Variants in CAMTA1 observed in about 807,000 individuals in gnomAD.
CAMTA1 encodes the protein calmodulin binding transcription activator 1, also known as calmodulin-binding transcription activator 1.
A neutral mutation model predicts 170.9 loss-of-function variants in CAMTA1; 27 were observed. The ratio of observed to expected loss-of-function variants is 0.16; its 90% CI spans 0.12 to 0.22. The LOEUF (loss-of-function observed/expected upper bound fraction) is 0.22, where lower values mean the gene tolerates loss of function less well. Among genes scored for constraint, CAMTA1 ranks in the 10% least tolerant of loss-of-function variants. The pLI is 1.00. For synonymous variants in CAMTA1, 833 were observed against 891.5 expected (o/e 0.93, Z 1.17); for missense variants, 1,619 against 2,217.2 (o/e 0.73, Z 5.42).
At chr1:7,679,333 C>T (rs2096160005) in intron 11 of CAMTA1, among the ~76,000 whole-genome samples, 1 of 152,182 alleles carries the variant, frequency 6.6e-6, no homozygotes, top group Admixed American at 6.5e-5. Context: ...CAGATGGAGC[C>T]TTTTCAGAGA....
chr1:7,393,365 A>G (rs2088940483), intron 5 of CAMTA1, among the ~76,000 whole-genome samples: 1 of 152,174 alleles, frequency 6.6e-6, no homozygotes, highest in Admixed American at 6.5e-5. Flanking sequence ...TCCTGGGCTC[A>G]AGCAATCCTC....
intron 5 of CAMTA1, among the ~76,000 whole-genome samples, chr1:7,303,746 G>T (rs1445400839): frequency 6.6e-6 from 1 of 152,204 alleles, no homozygotes; most frequent in African/African-American, 2.4e-5. Context: ...ACAAAGCAGA[G>T]AAAAGGCATG....
At chr1:7,292,189 C>G (rs968411118) in intron 5 of CAMTA1, among the ~76,000 whole-genome samples, 2 of 152,042 alleles carry the variant, frequency 1.3e-5, no homozygotes, top group African/African-American at 4.8e-5. Flanking sequence ...ATTGCTGAAG[C>G]GCTGGCTTGT....
chr1:7,016,840 AG>A (rs200737145), intron 3 of CAMTA1, among the ~76,000 whole-genome samples: 47 of 151,394 alleles, frequency 3.1e-4, no homozygotes, highest in African/African-American at 6.1e-4. Flanking sequence ...TCTCAAAAGA[AG>A]AAAAAAAAAA....
At chr1:7,241,978 T>G (rs1664938080) in intron 4 of CAMTA1, among the ~76,000 whole-genome samples, 1 of 145,724 alleles carries the variant, frequency 6.9e-6, no homozygotes. Context: ...TTTTACTCTT[T>G]TAAAGAAACC....
chr1:7,063,422 G>A lies in CAMTA1; in HGVS notation c.235-27882G>A, dbSNP rs778909636. On this transcript the variant is annotated intron_variant, in intron 3 of 22. Coordinates refer to ENST00000303635, the MANE Select transcript of CAMTA1 (RefSeq NM_015215.4). This position sits in a 1 kb window ranked among gnomAD's most constrained non-coding sequence, Gnocchi z 4.3. The stretch of plus-strand genomic sequence containing the variant: ...CCTCCCTGCCCTTTATCTTAGCAGG[G>A]CATCTCTGGAGAGAATGTTCCACGG... Among the ~76,000 whole-genome samples the A allele has an allele frequency of 9.9e-5, 15 of 152,200 alleles. No homozygotes were observed. Among genetic ancestry groups the A allele is most frequent in the Non-Finnish European group, 1.5e-4 (10 of 68,040 alleles).
At chr1:6,972,522 C>T (rs1692727919) in intron 3 of CAMTA1, among the ~76,000 whole-genome samples, 1 of 152,208 alleles carries the variant, frequency 6.6e-6, no homozygotes, top group South Asian at 2.1e-4. Context: ...CCAGGCTGCT[C>T]TTTCCCAGCA....
chr1:7,502,651 C>T (rs896523174), intron 6 of CAMTA1, among the ~76,000 whole-genome samples: 2 of 152,116 alleles, frequency 1.3e-5, no homozygotes, highest in African/African-American at 4.8e-5. Flanking sequence ...GCCTTTGACC[C>T]CAAGGAGAAG....
At chr1:7,604,446 A>T (rs1034790625) in intron 6 of CAMTA1, among the ~76,000 whole-genome samples, 3 of 152,058 alleles carry the variant, frequency 2.0e-5, no homozygotes, top group African/African-American at 7.2e-5. Context: ...TCCATCACTG[A>T]TACCCTTTCT....
chr1:7,564,770 G>A (rs978738541), intron 6 of CAMTA1, among the ~76,000 whole-genome samples: 10 of 152,086 alleles, frequency 6.6e-5, no homozygotes, highest in Non-Finnish European at 1.0e-4. Flanking sequence ...TGGGAGGCAC[G>A]TGAAGCAGAG....
chr1:7,250,916 G>A (rs1325482126), intron 5 of CAMTA1, among the ~76,000 whole-genome samples: 4 of 152,180 alleles, frequency 2.6e-5, no homozygotes, highest in African/African-American at 4.8e-5. Flanking sequence ...CCTCTAGGAC[G>A]GTGACCGCTG....
At chr1:7,624,333 G>A (rs114721413) in intron 6 of CAMTA1, among the ~76,000 whole-genome samples, 357 of 152,000 alleles carry the variant, frequency 2.3e-3, no homozygotes, top group Non-Finnish European at 4.0e-3. Context: ...AGTGCCATCC[G>A]CCATGGTTCC....
intron 5 of CAMTA1, among the ~76,000 whole-genome samples, chr1:7,446,357 C>G (rs1320572061): frequency 6.6e-6 from 1 of 152,138 alleles, no homozygotes; most frequent in Non-Finnish European, 1.5e-5. Context: ...TGCTTCCTAA[C>G]AGATCCTTAG....
intron 22 of CAMTA1, among the ~76,000 whole-genome samples, chr1:7,762,783 A>G (rs190759806): frequency 6.6e-6 from 1 of 152,352 alleles, no homozygotes; most frequent in Admixed American, 6.5e-5. Flanking sequence ...TGTAAAATCA[A>G]TAAGTACATT....
At chr1:6,879,836 A>C (rs1233793496) in intron 3 of CAMTA1, among the ~76,000 whole-genome samples, 2 of 143,504 alleles carry the variant, frequency 1.4e-5, no homozygotes, top group Admixed American at 1.4e-4. Context: ...TCTGTTGCCC[A>C]GGCTGATCTC....
intron 6 of CAMTA1, among the ~76,000 whole-genome samples, chr1:7,480,108 C>CGTGT (rs60946478): frequency 0.013 from 1,922 of 145,292 alleles, 30 homozygotes; most frequent in African/African-American, 0.035. Context: ...TGTGTGAGAG[C>CGTGT]GTGTGTGTGT....
chr1:7,763,984 G>A (rs888841644), intron 22 of CAMTA1, among the ~76,000 whole-genome samples: 5 of 152,212 alleles, frequency 3.3e-5, no homozygotes, highest in African/African-American at 9.6e-5. Context: ...CACAAGTACA[G>A]ATATTGCATG....
intron 5 of CAMTA1, among the ~76,000 whole-genome samples, chr1:7,466,526 G>A (rs2093215101): frequency 2.0e-5 from 3 of 152,208 alleles, no homozygotes; most frequent in African/African-American, 7.2e-5. Context: ...TTTTGGGGGT[G>A]TAAATAATAG....
chr1:7,509,933 G>A (rs1361962405), intron 6 of CAMTA1, among the ~76,000 whole-genome samples: 3 of 151,626 alleles, frequency 2.0e-5, no homozygotes, highest in African/African-American at 7.3e-5. Context: ...AGCGACCAAG[G>A]GGGAAAAGCT....
Sources: allele counts gnomAD v4.1 joint callset (sites outside exome capture counted in the v4.1 genomes callset), GRCh38; gene constraint gnomAD v4.1.1; non-coding constraint Gnocchi (gnomAD v3.1); transcripts MANE v1.5; gene names NCBI Gene and HGNC (gene_info 2026-07-23, HGNC 2026-07-21).